Variants in BAZ2B observed in about 807,000 individuals in gnomAD.
The protein encoded by BAZ2B is bromodomain adjacent to zinc finger domain protein 2B.
A neutral mutation model predicts 246.0 loss-of-function variants in BAZ2B; 91 were observed. That is an observed-to-expected ratio of 0.37 (90% CI 0.31 to 0.44). BAZ2B has a LOEUF of 0.44. Among genes scored for constraint, BAZ2B ranks in the 20% least tolerant of loss-of-function variants. BAZ2B has a pLI of 1.00. For synonymous variants in BAZ2B, 855 were observed against 860.0 expected (o/e 0.99, Z 0.10); for missense variants, 2,332 against 2,533.7 (o/e 0.92, Z 1.71).
intron 19 of BAZ2B, chr2:159,396,680 A>G (rs1037863530): frequency 6.6e-6 from 1 of 152,174 alleles, no homozygotes; most frequent in Non-Finnish European, 1.5e-5. Context: ...AAATTTGTCT[A>G]TGAAACCAGA....
intron 2 of BAZ2B, among the ~76,000 whole-genome samples, chr2:159,493,632 C>A (rs1461918625): frequency 6.6e-6 from 1 of 152,190 alleles, no homozygotes; most frequent in Non-Finnish European, 1.5e-5. Context: ...TCATTAAAAT[C>A]AGTGGTAGAT....
intron 1 of BAZ2B, among the ~76,000 whole-genome samples, chr2:159,557,319 T>C (rs558408558): frequency 1.3e-5 from 2 of 151,622 alleles, no homozygotes; most frequent in Non-Finnish European, 2.9e-5. Context: ...TTAAAGCAAG[T>C]TAATCAGATC....
the BAZ2B span, among the ~76,000 whole-genome samples, chr2:159,676,851 A>G: frequency 1.3e-5 from 2 of 151,898 alleles, no homozygotes; most frequent in South Asian, 4.2e-4. Context: ...AATAGTGTGA[A>G]TGTACTTAAT....
the BAZ2B span, among the ~76,000 whole-genome samples, chr2:159,655,985 T>G: frequency 6.6e-6 from 1 of 152,244 alleles, no homozygotes; most frequent in Non-Finnish European, 1.5e-5. Context: ...CTAGTGATAG[T>G]TTTATTTCCA....
Position 159,337,730 on chromosome 2 carries a change from C to T in BAZ2B, c.5497G>A (p.Val1833Ile), listed in dbSNP as rs752825873. The T allele has an allele frequency of 2.5e-6, 4 of 1,614,040 alleles. No homozygotes were observed. The highest frequency in any genetic ancestry group is 3.4e-6 in the Non-Finnish European group (4 of 1,180,018). The stretch of plus-strand genomic sequence containing the variant: ...GTAAATGATTTATGTTCAAAATATA[C>T]CAAGTCCTCCCTTTCTGATGCAGGC... ...PEPASEREDL[V>I]YFEHKSFTKL... The change falls in exon 32 of 37, where the codon GTA becomes ATA. Residue 1833 changes from valine (V) to isoleucine (I), a missense_variant. Val to Ile is a conservative substitution (Grantham distance 29). This residue lies in a region of BAZ2B where 676 missense variants were observed against 668.6 expected (regional missense o/e 1.01). Coordinates refer to ENST00000392783, the MANE Select transcript of BAZ2B (RefSeq NM_013450.4).
chr2:159,690,579 T>A, the BAZ2B span, among the ~76,000 whole-genome samples: 61 of 152,294 alleles, frequency 4.0e-4, no homozygotes, highest in Admixed American at 1.8e-3. Flanking sequence ...TGATTTATTA[T>A]TTGAGTTAGT....
At chr2:159,607,238 G>T (rs1346746380) in intron 1 of BAZ2B, among the ~76,000 whole-genome samples, 1 of 152,096 alleles carries the variant, frequency 6.6e-6, no homozygotes, top group African/African-American at 2.4e-5. Flanking sequence ...GGAACTAAAA[G>T]AAGTAAAAGT....
intron 21 of BAZ2B, among the ~76,000 whole-genome samples, chr2:159,389,140 A>G (rs1305313096): frequency 6.6e-6 from 1 of 151,962 alleles, no homozygotes; most frequent in African/African-American, 2.4e-5. Flanking sequence ...CAAACAAACA[A>G]AAAAACCGCC....
At chr2:159,520,203 G>GT (rs2151255026) in intron 2 of BAZ2B, among the ~76,000 whole-genome samples, 1 of 152,256 alleles carries the variant, frequency 6.6e-6, no homozygotes, top group Admixed American at 6.5e-5. Flanking sequence ...ATGCATTCTG[G>GT]TTTTCATGTC....
intron 2 of BAZ2B, among the ~76,000 whole-genome samples, chr2:159,549,707 C>T (rs1157616631): frequency 2.0e-5 from 3 of 150,640 alleles, no homozygotes; most frequent in Non-Finnish European, 4.4e-5. Context: ...GCCCACAGGC[C>T]ACAGGTTGGA....
intron 2 of BAZ2B, among the ~76,000 whole-genome samples, chr2:159,549,446 C>A (rs1478317371): frequency 6.6e-6 from 1 of 152,148 alleles, no homozygotes; most frequent in Non-Finnish European, 1.5e-5. Flanking sequence ...TTCTTGATCC[C>A]CTGTGCTAGA....
At chr2:159,649,686 A>C in the BAZ2B span, among the ~76,000 whole-genome samples, 1 of 152,068 alleles carries the variant, frequency 6.6e-6, no homozygotes, top group Non-Finnish European at 1.5e-5. Context: ...ACACTGACGT[A>C]GTTTTCTTCA....
chr2:159,531,588 G>C (rs1401375406), intron 2 of BAZ2B, among the ~76,000 whole-genome samples: 1 of 152,116 alleles, frequency 6.6e-6, no homozygotes, highest in African/African-American at 2.4e-5. Flanking sequence ...CTGAATACTA[G>C]AAGGTCACAG....
intron 27 of BAZ2B, among the ~76,000 whole-genome samples, chr2:159,355,668 C>T (rs575879129): frequency 6.6e-5 from 10 of 152,224 alleles, no homozygotes; most frequent in South Asian, 2.1e-4. Flanking sequence ...TCCCAAATGG[C>T]TTTAAAAAAA....
At chr2:159,659,343 T>C in the BAZ2B span, among the ~76,000 whole-genome samples, 1 of 152,180 alleles carries the variant, frequency 6.6e-6, no homozygotes, top group Non-Finnish European at 1.5e-5. Context: ...TACTAAAAGT[T>C]TGAGCCAAAT....
intron 27 of BAZ2B, among the ~76,000 whole-genome samples, chr2:159,363,820 CT>C (rs922123270): frequency 7.2e-5 from 11 of 152,052 alleles, no homozygotes; most frequent in Admixed American, 6.6e-4. Context: ...AGTTTACAGA[CT>C]TGAATAATTA....
the BAZ2B span, among the ~76,000 whole-genome samples, chr2:159,670,291 G>A: frequency 6.6e-5 from 10 of 152,114 alleles, no homozygotes; most frequent in Non-Finnish European, 1.5e-4. Flanking sequence ...TTTTTAGAAA[G>A]ATAATTTAAA....
intron 2 of BAZ2B, among the ~76,000 whole-genome samples, chr2:159,526,890 C>A (rs950322026): frequency 6.6e-6 from 1 of 150,996 alleles, no homozygotes; most frequent in Non-Finnish European, 1.5e-5. Context: ...CATTCTATCA[C>A]CCATGCTGGA....
At chr2:159,344,185 T>G (rs1425155165) in intron 31 of BAZ2B, among the ~76,000 whole-genome samples, 1 of 152,102 alleles carries the variant, frequency 6.6e-6, no homozygotes, top group Non-Finnish European at 1.5e-5. Context: ...AGAGCTATCA[T>G]ATGATCCAGC....
Sources: gnomAD v4.1 joint callset for allele counts (sites outside exome capture counted in the v4.1 genomes callset) on GRCh38, gnomAD v4.1.1 for gene constraint, gnomAD v4.1.1 regional missense constraint, MANE v1.5 for transcripts, NCBI Gene and HGNC (gene_info 2026-07-23, HGNC 2026-07-21) for gene names.